Variants in ZNF605 observed in about 807,000 individuals in gnomAD.
ZNF605 encodes the protein zinc finger protein 605.
Under a neutral mutation model 7.9 loss-of-function variants are expected in ZNF605, and 9 were observed. The observed-to-expected ratio is 1.14, with a 90% CI of 0.68 to 1.98. ZNF605 has a LOEUF of 1.98. Ranked by LOEUF, ZNF605 falls within the 30% of genes most tolerant of loss-of-function variation. ZNF605 has a pLI of 0.00. For synonymous variants in ZNF605, 255 were observed against 260.1 expected (o/e 0.98, Z 0.19); for missense variants, 673 against 762.4 (o/e 0.88, Z 1.38).
chr12:132,938,116 G>A (rs1742182774), intron 3 of ZNF605, among the ~76,000 whole-genome samples: 1 of 152,012 alleles, frequency 6.6e-6, no homozygotes, highest in South Asian at 2.1e-4. Context: ...AAGTAGCTGG[G>A]ACTACAGGCG....
Position 132,921,345 on chromosome 12 carries a change from T to C in ZNF605, c.*4028A>G, listed in dbSNP as rs961099676. The C allele has an allele frequency of 6.6e-6, 1 of 152,216 alleles. No individual in the cohort carries two copies. Among genetic ancestry groups the C allele is most frequent in the African/African-American group, 2.4e-5 (1 of 41,450 alleles). 9.4% of individuals were successfully genotyped at this position (152,216 alleles called of 1,614,324 possible). A position where few individuals can be genotyped will look rare whatever the true frequency, so the allele number is the denominator to read the frequency against. The stretch of plus-strand genomic sequence containing the variant: ...GTGATGAGATTTTATATTGTCTACT[T>C]CTAAGCGGCAGACAGTCATCATGAG... On this transcript the variant is annotated 3_prime_UTR_variant, in exon 5 of 5. Transcript: ENST00000360187.
chr12:132,938,729 C>T (rs1253467752), intron 3 of ZNF605, among the ~76,000 whole-genome samples: 19 of 152,184 alleles, frequency 1.2e-4, no homozygotes, highest in Non-Finnish European at 1.8e-4. Context: ...AGCCCACTCC[C>T]TCAGCTTGCA....
At position 132,941,070 on chromosome 12, in the gene ZNF605, C is replaced by G. The variant is rs1245052987; in HGVS notation, c.15+4551G>C. Among the ~76,000 whole-genome samples, 4 of 152,270 alleles carry G rather than the reference C, an allele frequency of 2.6e-5. No individual in the cohort carries two copies. In the East Asian group the frequency reaches 7.7e-4, roughly 29 times the overall value. ...CCTAAGAAGCATTTTGTTACCCATACGGGTGCTCACCAAAAAGACTCCAGT... is the reference window on the plus strand; with the variant it reads ...CCTAAGAAGCATTTTGTTACCCATAGGGGTGCTCACCAAAAAGACTCCAGT... On this transcript the variant is annotated intron_variant, in intron 3 of 4. Coordinates refer to ENST00000360187, the MANE Select transcript of ZNF605 (RefSeq NM_183238.4). This position sits in a 1 kb window ranked among gnomAD's most constrained non-coding sequence, Gnocchi z 5.1.
chr12:132,938,516 G>T (rs1423938912), intron 3 of ZNF605, among the ~76,000 whole-genome samples: 14 of 152,026 alleles, frequency 9.2e-5, no homozygotes, highest in Non-Finnish European at 1.5e-5. Context: ...GGTCAGGCTG[G>T]TCTCGAACTC....
intron 3 of ZNF605, among the ~76,000 whole-genome samples, chr12:132,944,467 C>T (rs1952478376): frequency 6.6e-6 from 1 of 152,194 alleles, no homozygotes; most frequent in South Asian, 2.1e-4. Flanking sequence ...CCCTGCATGT[C>T]AAGCCTCTGC....
intron 4 of ZNF605, among the ~76,000 whole-genome samples, chr12:132,930,378 A>C (rs1426445912): frequency 6.6e-6 from 1 of 152,064 alleles, no homozygotes; most frequent in Admixed American, 6.5e-5. Flanking sequence ...TACCCTCTTT[A>C]TTTCTTTCCT....
At chr12:132,951,635 G>T (rs1433403258) in intron 1 of ZNF605, among the ~76,000 whole-genome samples, 1 of 115,718 alleles carries the variant, frequency 8.6e-6, no homozygotes, top group Admixed American at 8.5e-5. Context: ...GACACGTACA[G>T]ATACACTGAT....
rs1382850640 is a variant in ZNF605, at chr12:132,945,768, A to ATGAAT, written c.-138_-134dup. ...TGTGGGCTCTTCTTTCTTATCTCACATGAATTGTCTTGTTCCAGAGGGCTA... is the reference window on the plus strand; with the variant it reads ...TGTGGGCTCTTCTTTCTTATCTCACATGAATTGAATTGTCTTGTTCCAGAGGGCTA... On this transcript the variant is annotated 5_prime_UTR_variant, in exon 3 of 5. In the 5' UTR this introduces an upstream ATG that the reference lacks. Transcript: ENST00000360187. The ATGAAT allele has an allele frequency of 1.4e-5, 18 of 1,312,538 alleles. No homozygotes were observed. Among genetic ancestry groups the ATGAAT allele is most frequent in the Non-Finnish European group, 2.0e-5 (18 of 906,874 alleles). 81.3% of individuals were successfully genotyped at this position (1,312,538 alleles called of 1,614,324 possible).
At chr12:132,939,883 C>CA (rs1468420857) in intron 3 of ZNF605, among the ~76,000 whole-genome samples, 2 of 125,830 alleles carry the variant, frequency 1.6e-5, no homozygotes, top group African/African-American at 2.6e-5. Flanking sequence ...GAGGAACGAA[C>CA]ACTCCAGACG....
At chr12:132,950,029 C>T (rs1378661973) in intron 1 of ZNF605, among the ~76,000 whole-genome samples, 1 of 151,802 alleles carries the variant, frequency 6.6e-6, no homozygotes, top group East Asian at 1.9e-4. Flanking sequence ...CTGGGAGCTC[C>T]TTCAGGCTTG....
chr12:132,938,949 C>T (rs780609643), intron 3 of ZNF605, among the ~76,000 whole-genome samples: 4,170 of 152,064 alleles, frequency 0.027, 178 homozygotes, highest in African/African-American at 0.094. Flanking sequence ...GGCCCACCGG[C>T]GCTGCGCTCG....
chr12:132,931,136 C>T (rs1046851466), intron 4 of ZNF605, among the ~76,000 whole-genome samples: 13 of 151,996 alleles, frequency 8.6e-5, no homozygotes, highest in African/African-American at 2.9e-4. Context: ...GCTGTGACTG[C>T]GCCACTGTAC....
At position 132,933,536 on chromosome 12, in the gene ZNF605, C is replaced by T. The variant is rs982135098; in HGVS notation, c.16-381G>A. 1.0e-3 allele frequency among the ~76,000 whole-genome samples: 158 copies of T among 152,312 alleles called. No individual in the cohort carries two copies. The highest frequency in any genetic ancestry group is 3.4e-3 in the African/African-American group (141 of 41,570). On this transcript the variant is annotated intron_variant, in intron 3 of 4. Transcript: ENST00000360187. This position sits in a 1 kb window ranked among gnomAD's most constrained non-coding sequence, Gnocchi z 4.4. ...AGCCTGGAGGAGCCAGCTCCTTCCTCGCTGCAGCCCTTCTCAACACCTTCA... is the reference window on the plus strand; with the variant it reads ...AGCCTGGAGGAGCCAGCTCCTTCCTTGCTGCAGCCCTTCTCAACACCTTCA...
chr12:132,940,520 G>A (rs970330555), intron 3 of ZNF605, among the ~76,000 whole-genome samples: 1 of 151,924 alleles, frequency 6.6e-6, no homozygotes, highest in African/African-American at 2.4e-5. Flanking sequence ...GGTCCTGAGT[G>A]TATTGTTGAT....
chr12:132,953,967 A>C (rs1952602889), intron 1 of ZNF605, among the ~76,000 whole-genome samples: 2 of 152,114 alleles, frequency 1.3e-5, no homozygotes, highest in Admixed American at 6.6e-5. Flanking sequence ...CCGGTCACTA[A>C]TACAAACAAG....
rs1347375383 is a variant in ZNF605 at position 132,924,301 on chromosome 12, C to G, written c.*1072G>C. The G allele has an allele frequency of 6.6e-6, 1 of 152,232 alleles. No individual in the cohort carries two copies. The highest frequency in any genetic ancestry group is 1.5e-5 in the Non-Finnish European group (1 of 68,056). The allele number at this position is 152,232 out of a possible 1,614,324, so 9.4% of individuals were successfully genotyped here. A position where few individuals can be genotyped will look rare whatever the true frequency, so the allele number is the denominator to read the frequency against. On this transcript the variant is annotated 3_prime_UTR_variant, in exon 5 of 5. Transcript: ENST00000360187. ...AACAAAACCTTTCTGAGAATTCTAC[C>G]TGATGCTCCATGTGTTTCCACTCTG... is the stretch of plus-strand genomic sequence containing the variant.
At position 132,923,297 on chromosome 12, in the gene ZNF605, A is replaced by G. The variant is rs1464802964; in HGVS notation, c.*2076T>C. The G allele has an allele frequency of 3.9e-5, 6 of 152,340 alleles. No individual in the cohort carries two copies. The highest frequency in any genetic ancestry group is 3.9e-4 in the Admixed American group (6 of 15,300). The allele number at this position is 152,340 out of a possible 1,614,324, so 9.4% of individuals were successfully genotyped here. On this transcript the variant is annotated 3_prime_UTR_variant, in exon 5 of 5. Transcript: ENST00000360187. ...CATTTTCAGAACTTCATTCCTTTGT[A>G]CAGACCCAAACTTAAGTTTTGTATT...
At chr12:132,927,199 C>G (rs1399404260) in intron 4 of ZNF605, 37 bp from the exon 5 acceptor site, 2 of 1,430,322 alleles carry the variant, frequency 1.4e-6, no homozygotes, top group Non-Finnish European at 1.9e-6. Flanking sequence ...CTGTGTAATT[C>G]CTTCAATTAT....
chr12:132,952,512 T>C (rs1039756877), intron 1 of ZNF605, among the ~76,000 whole-genome samples: 24 of 150,580 alleles, frequency 1.6e-4, no homozygotes, highest in African/African-American at 5.9e-4. Flanking sequence ...GCAGAAGATA[T>C]TCCTCCCAGA....
Sources: gnomAD v4.1 joint callset for allele counts (sites outside exome capture counted in the v4.1 genomes callset) on GRCh38, gnomAD v4.1.1 for gene constraint, Gnocchi (gnomAD v3.1) non-coding constraint, MANE v1.5 for transcripts, NCBI Gene and HGNC (gene_info 2026-07-23, HGNC 2026-07-21) for gene names.